Variants in DAB1 observed in about 807,000 individuals in gnomAD.
The protein encoded by DAB1 is DAB adaptor protein 1.
Under a neutral mutation model 64.6 loss-of-function variants are expected in DAB1, and 15 were observed. The ratio of observed to expected loss-of-function variants is 0.23; its 90% CI spans 0.16 to 0.36. DAB1 has a LOEUF of 0.36. Ranked by LOEUF, DAB1 falls within the 10% of genes least tolerant of loss-of-function variation. DAB1 has a pLI of 1.00. For missense variants in DAB1, 596 were observed against 706.7 expected, an observed-to-expected ratio of 0.84 and a Z score of 1.78; for synonymous variants, 235 against 251.9, an observed-to-expected ratio of 0.93 and a Z score of 0.64.
intron 2 of DAB1, among the ~76,000 whole-genome samples, chr1:57,211,185 G>A (rs923738633): frequency 6.6e-6 from 1 of 152,194 alleles, no homozygotes; most frequent in African/African-American, 2.4e-5. Flanking sequence ...ACTTGAGTTG[G>A]AAGATCAGAA....
At chr1:58,385,745 G>A (rs1184126063) in intron 3 of DAB1, among the ~76,000 whole-genome samples, 1 of 152,246 alleles carries the variant, frequency 6.6e-6, no homozygotes, top group African/African-American at 2.4e-5. Context: ...GTTGCTTTGA[G>A]ATGATAAATC....
intron 6 of DAB1, among the ~76,000 whole-genome samples, chr1:57,758,008 G>C (rs573321349): frequency 6.6e-6 from 1 of 152,070 alleles, no homozygotes; most frequent in Non-Finnish European, 1.5e-5. Flanking sequence ...GTAGAGATGG[G>C]GTCTTTCAGT....
At chr1:58,451,819 AT>A (rs1215598324) in intron 3 of DAB1, among the ~76,000 whole-genome samples, 1 of 152,154 alleles carries the variant, frequency 6.6e-6, no homozygotes, top group Admixed American at 6.6e-5. Context: ...GGAAGAAAAT[AT>A]TTGCAGCTCA....
At chr1:58,340,317 G>C (rs904890461) in intron 4 of DAB1, among the ~76,000 whole-genome samples, 3 of 152,292 alleles carry the variant, frequency 2.0e-5, no homozygotes, top group Middle Eastern at 3.4e-3. Context: ...CAACAGTAGA[G>C]TAGCAGGAAT....
chr1:58,049,062 T>C (rs1647444594), intron 5 of DAB1: 1 of 785,308 alleles, frequency 1.3e-6, no homozygotes, highest in East Asian at 2.4e-5. Flanking sequence ...ACCCACCTTG[T>C]GTGGCCTTGC....
At position 58,128,481 on chromosome 1, in the gene DAB1, G is replaced by T. The variant is rs200841590; in HGVS notation, n.387+22030C>A. ...TCTGCCTAATTGCCCTGGCCAGAAC[G>T]TCCAACACTATGTTGAATAGGAGTG... On this transcript the variant is annotated intron_variant and non_coding_transcript_variant, in intron 5 of 20. Coordinates refer to the DAB1 transcript ENST00000485760. Among the ~76,000 whole-genome samples, 113 of 126,120 alleles carry T rather than the reference G, an allele frequency of 9.0e-4. 7 individuals are homozygous for T. The highest frequency in any genetic ancestry group is 1.1e-3 in the Admixed American group (15 of 13,102). 82.7% of individuals were successfully genotyped at this position (126,120 alleles called of 152,430 possible).
intron 7 of DAB1, among the ~76,000 whole-genome samples, chr1:57,430,486 C>T (rs759110614): frequency 2.0e-5 from 3 of 151,946 alleles, no homozygotes; most frequent in Non-Finnish European, 2.9e-5. Flanking sequence ...CGCCATTCTC[C>T]TGCCTCAGCC....
intron 3 of DAB1, among the ~76,000 whole-genome samples, chr1:58,489,065 C>T (rs1052947002): frequency 6.6e-6 from 1 of 152,220 alleles, no homozygotes; most frequent in Admixed American, 6.5e-5. Context: ...GTACTGGGTG[C>T]ATCTCACTGG....
chr1:57,901,654 G>C (rs1025447334), intron 5 of DAB1, among the ~76,000 whole-genome samples: 28 of 152,112 alleles, frequency 1.8e-4, no homozygotes, highest in African/African-American at 6.8e-4. Context: ...CTTTAAGTCT[G>C]ATATTGTGTT....
chr1:57,040,388 T>C (rs1647602103), intron 9 of DAB1, among the ~76,000 whole-genome samples: 2 of 152,084 alleles, frequency 1.3e-5, no homozygotes, highest in South Asian at 4.1e-4. Context: ...GGAAGAAACA[T>C]TGAAAACACC....
intron 3 of DAB1, among the ~76,000 whole-genome samples, chr1:58,489,049 A>G (rs1645627472): frequency 6.6e-6 from 1 of 152,156 alleles, no homozygotes; most frequent in Non-Finnish European, 1.5e-5. Flanking sequence ...TCCATTTCCA[A>G]CTGAGGTACT....
intron 1 of DAB1, chr1:58,536,620 C>T: frequency 3.4e-6 from 3 of 872,824 alleles, no homozygotes; most frequent in Middle Eastern, 2.2e-4. Flanking sequence ...AAATAAAACA[C>T]CACAAAGAGC....
At chr1:58,011,248 T>A (rs1646663984) in intron 5 of DAB1, among the ~76,000 whole-genome samples, 1 of 152,192 alleles carries the variant, frequency 6.6e-6, no homozygotes, top group Non-Finnish European at 1.5e-5. Context: ...TTTATACTAA[T>A]CCCCCAGGTG....
At chr1:57,627,402 TCACTAATA>T (rs1265322656) in intron 7 of DAB1, among the ~76,000 whole-genome samples, 2 of 152,188 alleles carry the variant, frequency 1.3e-5, no homozygotes, top group Non-Finnish European at 2.9e-5. Flanking sequence ...TAGTGAACCC[TCACTAATA>T]CACCATGTCT....
At chr1:57,691,046 T>C (rs1474540683) in intron 6 of DAB1, among the ~76,000 whole-genome samples, 19 of 152,174 alleles carry the variant, frequency 1.2e-4, no homozygotes, top group Admixed American at 1.2e-3. Context: ...AGGTAATTAA[T>C]CCTTTGTCAG....
chr1:57,606,391 T>TATATATATAC (rs1491526140), intron 7 of DAB1, among the ~76,000 whole-genome samples: 7 of 126,432 alleles, frequency 5.5e-5, no homozygotes, highest in Non-Finnish European at 9.6e-5. Context: ...TATATATATA[T>TATATATATAC]ACACATTATA....
chr1:57,625,303 T>C (rs1645908980), intron 7 of DAB1, among the ~76,000 whole-genome samples: 1 of 152,150 alleles, frequency 6.6e-6, no homozygotes, highest in Non-Finnish European at 1.5e-5. Flanking sequence ...GTCTCCGTGC[T>C]GTGTCTCTCT....
upstream of DAB1, among the ~76,000 whole-genome samples, chr1:57,427,995 C>T (rs551488680): frequency 2.0e-4 from 30 of 152,122 alleles, no homozygotes; most frequent in South Asian, 6.2e-3. Context: ...TGGTGAAACC[C>T]CGTCTCTACT....
chr1:58,502,283 G>C (rs147327768), intron 3 of DAB1, among the ~76,000 whole-genome samples: 110 of 152,238 alleles, frequency 7.2e-4, no homozygotes, highest in Middle Eastern at 3.4e-3. Context: ...TTGCTTTCTT[G>C]ATTTCCTATG....
Sources: gnomAD v4.1 joint callset for allele counts (sites outside exome capture counted in the v4.1 genomes callset) on GRCh38, gnomAD v4.1.1 for gene constraint, MANE v1.5 for transcripts, NCBI Gene and HGNC (gene_info 2026-07-23, HGNC 2026-07-21) for gene names.